Variants in CALN1 observed in about 807,000 individuals in gnomAD.
CALN1 encodes calneuron 1, also known as calcium-binding protein 8.
In CALN1, 17 loss-of-function variants were observed where a neutral mutation model predicts 30.6. The observed-to-expected ratio is 0.56, with a 90% CI of 0.38 to 0.83. The LOEUF is 0.83. CALN1 is among the 40% of genes least tolerant of loss of function. The probability of loss-of-function intolerance (pLI) is 0.00; values close to 1 mark genes in which losing one functional copy is unlikely to be tolerated. For missense variants in CALN1, 291 were observed against 354.9 expected, an observed-to-expected ratio of 0.82 and a Z score of 1.45; for synonymous variants, 156 against 131.4, an observed-to-expected ratio of 1.19 and a Z score of -1.28.
chr7:71,783,526 C>T lies in CALN1; in HGVS notation c.*4249G>A, dbSNP rs1016459521. ...GGAAGGAGAGCAAGGACACAGTAAACACAGATCCCAGGACATGTGACCACA... is the reference window on the plus strand; with the variant it reads ...GGAAGGAGAGCAAGGACACAGTAAATACAGATCCCAGGACATGTGACCACA... On this transcript the variant is annotated 3_prime_UTR_variant, in exon 7 of 7. Transcript: ENST00000395275. 2.0e-5 allele frequency: 3 copies of T among 152,442 alleles called. No homozygotes were observed. The highest frequency in any genetic ancestry group is 4.8e-5 in the African/African-American group (2 of 41,446). The allele number at this position is 152,442 out of a possible 1,614,324, so 9.4% of individuals were successfully genotyped here.
intron 1 of CALN1, among the ~76,000 whole-genome samples, chr7:72,429,673 T>A (rs1410497521): frequency 2.0e-5 from 3 of 150,084 alleles, no homozygotes; most frequent in African/African-American, 7.3e-5. Context: ...TTAACTCCCT[T>A]AGAATATCTC....
intron 4 of CALN1, among the ~76,000 whole-genome samples, chr7:72,087,021 G>A (rs1480796879): frequency 6.6e-6 from 1 of 152,006 alleles, no homozygotes; most frequent in African/African-American, 2.4e-5. Context: ...AAGAAAAAAA[G>A]GGTAAACTAC....
chr7:71,862,684 A>G (rs747973604), intron 5 of CALN1, among the ~76,000 whole-genome samples: 11 of 152,218 alleles, frequency 7.2e-5, no homozygotes, highest in Non-Finnish European at 1.2e-4. Flanking sequence ...TGCTAGGAAG[A>G]TTCATGCAAT....
chr7:72,027,256 G>A (rs981883231), intron 4 of CALN1, among the ~76,000 whole-genome samples: 39 of 152,168 alleles, frequency 2.6e-4, no homozygotes, highest in African/African-American at 8.4e-4. Flanking sequence ...AAGAAGCACT[G>A]GACTAGGAGA....
At chr7:71,995,812 T>C (rs549011323) in intron 5 of CALN1, among the ~76,000 whole-genome samples, 11 of 151,816 alleles carry the variant, frequency 7.2e-5, no homozygotes, top group South Asian at 4.2e-4. Context: ...CACTATACTG[T>C]TGCCCAGAGA....
At chr7:72,311,787 A>G (rs1363362957) in intron 2 of CALN1, among the ~76,000 whole-genome samples, 1 of 146,050 alleles carries the variant, frequency 6.8e-6, no homozygotes, top group African/African-American at 2.5e-5. Flanking sequence ...GTGAGCCACC[A>G]CCGCGCCTGG....
chr7:72,024,158 C>A (rs565583927), intron 4 of CALN1, among the ~76,000 whole-genome samples: 2 of 152,292 alleles, frequency 1.3e-5, no homozygotes, highest in African/African-American at 2.4e-5. Flanking sequence ...ATGTAGTCAT[C>A]AAGCCTTCTT....
At chr7:72,125,258 G>A (rs1187639224) in intron 3 of CALN1, among the ~76,000 whole-genome samples, 2 of 152,014 alleles carry the variant, frequency 1.3e-5, no homozygotes, top group Admixed American at 6.6e-5. Flanking sequence ...CAAGTGATCC[G>A]CCTGCCTCAG....
chr7:72,292,001 CAAA>C (rs1181994522), intron 2 of CALN1, among the ~76,000 whole-genome samples: 69 of 125,780 alleles, frequency 5.5e-4, no homozygotes, highest in African/African-American at 2.0e-3. Context: ...TACTCCATCT[CAAA>C]AAAAAAAAAA....
intron 5 of CALN1, among the ~76,000 whole-genome samples, chr7:71,952,299 C>T (rs376951130): frequency 3.5e-4 from 53 of 152,264 alleles, no homozygotes; most frequent in East Asian, 1.9e-3. Flanking sequence ...GCCTCAACAG[C>T]GGCTCAGTGG....
intron 4 of CALN1, among the ~76,000 whole-genome samples, chr7:72,092,453 C>CATAT (rs914791683): frequency 2.6e-5 from 4 of 152,104 alleles, no homozygotes; most frequent in Admixed American, 2.6e-4. Flanking sequence ...CCCACACACA[C>CATAT]ATATATACAC....
At chr7:72,188,961 TA>T (rs1790408747) in intron 3 of CALN1, among the ~76,000 whole-genome samples, 1 of 152,108 alleles carries the variant, frequency 6.6e-6, no homozygotes, top group South Asian at 2.1e-4. Context: ...TAAGAGGGAC[TA>T]AGCCTTCCTC....
In CALN1 at chr7:72,158,192, G is replaced by A. The variant is rs1337434490; in HGVS notation, c.245-51898C>T. On this transcript the variant is annotated intron_variant, in intron 3 of 6. Coordinates refer to ENST00000395275, the MANE Select transcript of CALN1 (RefSeq NM_031468.4). ...GAACAAAACAGACAAGGTCTCTTCC[G>A]TCATGTAGTTTACATTATCATGAGA... Among the ~76,000 whole-genome samples the A allele has an allele frequency of 3.3e-5, 5 of 152,164 alleles. No homozygotes were observed. The East Asian group carries it at 7.7e-4, about 23-fold the overall frequency.
At chr7:72,392,879 G>A (rs187901789) in intron 2 of CALN1, among the ~76,000 whole-genome samples, 180 of 152,114 alleles carry the variant, frequency 1.2e-3, no homozygotes, top group African/African-American at 4.0e-3. Flanking sequence ...TGTACCTGCT[G>A]TCCCAGCTAC....
chr7:71,999,504 A>G (rs955690885), intron 5 of CALN1, among the ~76,000 whole-genome samples: 1 of 152,052 alleles, frequency 6.6e-6, no homozygotes, highest in Non-Finnish European at 1.5e-5. Flanking sequence ...CACTCCATCC[A>G]ACAGCAGCAT....
chr7:72,465,901 T>G, the CALN1 span, among the ~76,000 whole-genome samples: 18 of 152,050 alleles, frequency 1.2e-4, no homozygotes, highest in African/African-American at 4.3e-4. Context: ...GTGAAATGAA[T>G]GGGGACACCG....
intron 3 of CALN1, among the ~76,000 whole-genome samples, chr7:72,249,484 A>C (rs1278356677): frequency 1.3e-5 from 2 of 150,326 alleles, no homozygotes; most frequent in African/African-American, 2.5e-5. Flanking sequence ...TTTCCCCCAG[A>C]TCTATCCACA....
intron 5 of CALN1, among the ~76,000 whole-genome samples, chr7:71,954,833 TG>T (rs1034472968): frequency 2.6e-5 from 4 of 152,106 alleles, no homozygotes; most frequent in Non-Finnish European, 4.4e-5. Flanking sequence ...GACTACTACC[TG>T]GGGGGTTGAT....
chr7:71,833,906 T>A (rs1789442008), intron 5 of CALN1, among the ~76,000 whole-genome samples: 1 of 151,836 alleles, frequency 6.6e-6, no homozygotes, highest in South Asian at 2.1e-4. Flanking sequence ...AGATCCTGTC[T>A]CTTAAAAAAC....
Sources: gnomAD v4.1 joint callset for allele counts (sites outside exome capture counted in the v4.1 genomes callset) on GRCh38, gnomAD v4.1.1 for gene constraint, MANE v1.5 for transcripts, NCBI Gene and HGNC (gene_info 2026-07-23, HGNC 2026-07-21) for gene names.